Variants in SGMS2 observed in about 807,000 individuals in gnomAD.
The protein encoded by SGMS2 is sphingomyelin synthase 2.
SGMS2 carries 21 observed loss-of-function variants against 43.8 expected under a neutral mutation model. That is an observed-to-expected ratio of 0.48 (90% CI 0.34 to 0.69). The LOEUF (loss-of-function observed/expected upper bound fraction) is 0.69. Among genes scored for constraint, SGMS2 ranks in the 30% least tolerant of loss-of-function variants. The pLI, the probability that SGMS2 is intolerant of heterozygous loss-of-function variation, is 0.01. For synonymous variants in SGMS2, 167 were observed against 160.6 expected (o/e 1.04, Z -0.30); for missense variants, 384 against 443.2 (o/e 0.87, Z 1.20).
chr4:107,837,613 G>C (rs912299938), intron 1 of SGMS2, among the ~76,000 whole-genome samples: 1 of 152,182 alleles, frequency 6.6e-6, no homozygotes, highest in African/African-American at 2.4e-5. Context: ...AAGGCATTGT[G>C]ATGTGACATA....
intron 1 of SGMS2, among the ~76,000 whole-genome samples, chr4:107,830,687 G>A (rs1410049656): frequency 1.3e-5 from 2 of 152,138 alleles, no homozygotes; most frequent in Admixed American, 6.6e-5. Flanking sequence ...CTTTTGAGAA[G>A]TCAGTTTGTG....
At chr4:107,877,913 C>CTTTTTTTTTTTT (rs774442653) in intron 2 of SGMS2, among the ~76,000 whole-genome samples, 92 of 102,156 alleles carry the variant, frequency 9.0e-4, no homozygotes, top group African/African-American at 1.2e-3. Context: ...TTTTTCTTTT[C>CTTTTTTTTTTTT]TTTTTTTTTT....
At chr4:107,862,044 G>T (rs575448224) in intron 2 of SGMS2, among the ~76,000 whole-genome samples, 3 of 152,172 alleles carry the variant, frequency 2.0e-5, no homozygotes, top group Non-Finnish European at 2.9e-5. Flanking sequence ...GAGCAAAAAC[G>T]AAAGAAACAA....
At chr4:107,862,464 C>G (rs1191154165) in intron 2 of SGMS2, among the ~76,000 whole-genome samples, 1 of 152,136 alleles carries the variant, frequency 6.6e-6, no homozygotes, top group Non-Finnish European at 1.5e-5. Context: ...TTAAGGATGA[C>G]AAGTAATTTC....
At chr4:107,902,688 C>T (rs1026014843) in intron 4 of SGMS2, among the ~76,000 whole-genome samples, 9 of 152,142 alleles carry the variant, frequency 5.9e-5, no homozygotes, top group Non-Finnish European at 1.3e-4. Context: ...CAGTACATCC[C>T]TAATCCATCA....
At chr4:107,893,443 ACCT>A (rs1325757289) in intron 2 of SGMS2, 1 of 152,142 alleles carries the variant, frequency 6.6e-6, no homozygotes, top group East Asian at 1.9e-4. Flanking sequence ...AGTGCTTCGG[ACCT>A]CCGTTAGAAG....
chr4:107,903,380 A>AATT lies in SGMS2; in HGVS notation c.722_723insTTA (p.Lys241delinsAsnTer). ...GCTGACACTGACTTATTTGTTCATC[A>AATT]AAGAATGTAAGTAATAGCCCATTCC... On this transcript the variant is annotated stop_gained and protein_altering_variant, in exon 5 of 7. Coordinates refer to ENST00000690982, the MANE Select transcript of SGMS2 (RefSeq NM_001375905.1). LOFTEE classifies it high-confidence loss of function. 1 of 1,613,822 alleles carries AATT rather than the reference A, an allele frequency of 6.2e-7. No individual in the cohort carries two copies. The highest frequency in any genetic ancestry group is 8.5e-7 in the Non-Finnish European group (1 of 1,179,850).
At chr4:107,867,486 C>T (rs1017935118) in intron 2 of SGMS2, 3 of 152,160 alleles carry the variant, frequency 2.0e-5, no homozygotes, top group South Asian at 2.1e-4. Context: ...CTTTTCTTTG[C>T]TGTAAGAATT....
In SGMS2 at chr4:107,894,711, C is replaced by T. The variant is rs368896950; in HGVS notation, c.-244-599C>T. On this transcript the variant is annotated intron_variant, in intron 2 of 6. Transcript: ENST00000690982. ...AGCTTTTCTTGTATATGGTGTGCGT[C>T]TCTGAATATAAAAGGATAAACTGAG... Among the ~76,000 whole-genome samples, 102 of 152,222 alleles carry T rather than the reference C, an allele frequency of 6.7e-4. 1 individual carries two copies. The highest frequency in any genetic ancestry group is 2.3e-3 in the African/African-American group (96 of 41,518).
rs545765924 is a variant in SGMS2, at chr4:107,831,247, A to G, written c.-327+5994A>G. Among the ~76,000 whole-genome samples the G allele has an allele frequency of 2.2e-4, 34 of 152,278 alleles. No homozygotes were observed. The South Asian group carries it at 7.1e-3, about 32-fold the overall frequency. On this transcript the variant is annotated intron_variant, in intron 1 of 6. Transcript: ENST00000690982. ...AGCGATATGTTGGGTTTTGAGAGAC[A>G]TAGTTTGATATAGGACTGTATGTGT...
intron 1 of SGMS2, among the ~76,000 whole-genome samples, chr4:107,857,902 C>T (rs977333143): frequency 8.5e-5 from 13 of 152,308 alleles, no homozygotes; most frequent in South Asian, 2.1e-4. Context: ...ATACTCCCGC[C>T]GTGCTTTCCA....
intron 6 of SGMS2, among the ~76,000 whole-genome samples, chr4:107,909,342 C>A (rs1473366605): frequency 6.6e-6 from 1 of 152,082 alleles, no homozygotes; most frequent in African/African-American, 2.4e-5. Context: ...AACTCCTGAC[C>A]TCAGGTGATC....
At chr4:107,857,852 C>A (rs1727509240) in intron 1 of SGMS2, among the ~76,000 whole-genome samples, 1 of 152,126 alleles carries the variant, frequency 6.6e-6, no homozygotes, top group South Asian at 2.1e-4. Context: ...TCCTATAAAG[C>A]CCTCTGCACT....
intron 2 of SGMS2, among the ~76,000 whole-genome samples, chr4:107,866,547 C>A (rs1728137204): frequency 6.7e-6 from 1 of 149,362 alleles, no homozygotes; most frequent in African/African-American, 2.5e-5. Context: ...GCCTGGGTGA[C>A]AAGAGTGAAG....
intron 1 of SGMS2, among the ~76,000 whole-genome samples, chr4:107,827,068 G>A (rs1725634555): frequency 1.3e-5 from 2 of 152,130 alleles, no homozygotes; most frequent in South Asian, 4.1e-4. Flanking sequence ...AATAATCTTA[G>A]AACTATTAAA....
At chr4:107,839,861 T>C (rs1726400413) in intron 1 of SGMS2, among the ~76,000 whole-genome samples, 1 of 152,168 alleles carries the variant, frequency 6.6e-6, no homozygotes, top group African/African-American at 2.4e-5. Flanking sequence ...CCATCTGATT[T>C]CTATTTCTTG....
rs536661964 is a variant in SGMS2, at chr4:107,839,242, T to G, written c.-327+13989T>G. Among the ~76,000 whole-genome samples, 5 of 152,296 alleles carry G rather than the reference T, an allele frequency of 3.3e-5. No individual in the cohort carries two copies. In the South Asian group the frequency reaches 1.0e-3, roughly 32 times the overall value. Reference sequence around the variant, plus strand: ...TTGCCCCATTGCACACTTAAGTATCTTAGAGACCTAGAAAGTTTGGGTTCT... The same window carrying G: ...TTGCCCCATTGCACACTTAAGTATCGTAGAGACCTAGAAAGTTTGGGTTCT... On this transcript the variant is annotated intron_variant, in intron 1 of 6. Coordinates refer to ENST00000690982, the MANE Select transcript of SGMS2 (RefSeq NM_001375905.1).
Position 107,895,587 on chromosome 4 carries a change from C to T in SGMS2, c.34C>T (p.His12Tyr). 6.2e-7 allele frequency: 1 copy of T among 1,613,830 alleles called. No homozygotes were observed. Among genetic ancestry groups the T allele is most frequent in the Non-Finnish European group, 8.5e-7 (1 of 1,179,868 alleles). Residue 12 changes from histidine (H) to tyrosine (Y), a missense_variant, in exon 3 of 7, where the codon CAT (histidine) becomes TAT (tyrosine). Coordinates refer to ENST00000690982, the MANE Select transcript of SGMS2 (RefSeq NM_001375905.1). ...DIIETAKLEE[H>Y]LENQPSDPTN... Reference sequence around the variant, plus strand: ...CATAGAGACAGCAAAACTTGAAGAACATTTGGAAAATCAACCCAGTGATCC... The same window carrying T: ...CATAGAGACAGCAAAACTTGAAGAATATTTGGAAAATCAACCCAGTGATCC...
intron 1 of SGMS2, among the ~76,000 whole-genome samples, chr4:107,851,303 A>G (rs565974471): frequency 6.6e-6 from 1 of 152,338 alleles, no homozygotes; most frequent in South Asian, 2.1e-4. Flanking sequence ...AGAGAAGCAA[A>G]CCGCTGATAA....
Sources: allele counts gnomAD v4.1 joint callset (sites outside exome capture counted in the v4.1 genomes callset), GRCh38; gene constraint gnomAD v4.1.1; transcripts MANE v1.5; gene names NCBI Gene and HGNC (gene_info 2026-07-23, HGNC 2026-07-21).